HIBADH: variants seen among roughly 807,000 people sequenced by gnomAD.
HIBADH encodes 3-hydroxyisobutyrate dehydrogenase, also known as 3-hydroxyisobutyrate dehydrogenase, mitochondrial.
In HIBADH, 25 loss-of-function variants were observed where a neutral mutation model predicts 36.1. The ratio of observed to expected loss-of-function variants is 0.69; its 90% CI spans 0.50 to 0.97. The LOEUF (loss-of-function observed/expected upper bound fraction) is 0.97. HIBADH is among the 50% of genes least tolerant of loss of function. The pLI is 0.00. For synonymous variants in HIBADH, 160 were observed against 149.5 expected (o/e 1.07, Z -0.51); for missense variants, 421 against 418.0 (o/e 1.01, Z -0.06).
intron 4 of HIBADH, among the ~76,000 whole-genome samples, chr7:27,549,331 C>T (rs997693871): frequency 6.6e-6 from 1 of 152,122 alleles, no homozygotes; most frequent in African/African-American, 2.4e-5. Flanking sequence ...TCGGTTTAGC[C>T]ATTCCACAAT....
chr7:27,608,947 A>T (rs936366089), intron 4 of HIBADH, among the ~76,000 whole-genome samples: 1 of 152,212 alleles, frequency 6.6e-6, no homozygotes, highest in Non-Finnish European at 1.5e-5. Context: ...CCCCTCTACC[A>T]CAGAATAGAG....
chr7:27,625,058 G>C (rs1785617273), intron 4 of HIBADH, among the ~76,000 whole-genome samples: 1 of 152,192 alleles, frequency 6.6e-6, no homozygotes, highest in South Asian at 2.1e-4. Context: ...CCACAGAGCA[G>C]TTAAAATGAA....
In HIBADH at chr7:27,649,577, T is replaced by C. The variant is rs899989371; in HGVS notation, c.148A>G (p.Met50Val). The C allele has an allele frequency of 5.0e-6, 8 of 1,613,894 alleles. No individual in the cohort carries two copies. In the African/African-American group the frequency reaches 5.3e-5, roughly 11 times the overall value. The change falls in exon 2 of 8, where the codon ATG (methionine) becomes GTG (valine). Residue 50 changes from methionine to valine, a missense_variant. Transcript: ENST00000265395. ...TPVGFIGLGN[M>V]GNPMAKNLMK... The stretch of plus-strand genomic sequence containing the variant: ...AGATTTTTTGCCATTGGATTCCCCA[T>C]GTTGCCCAGTCCAATGAATCCAACT...
At chr7:27,600,519 C>T (rs1243295144) in intron 4 of HIBADH, among the ~76,000 whole-genome samples, 3 of 152,112 alleles carry the variant, frequency 2.0e-5, no homozygotes, top group South Asian at 2.1e-4. Flanking sequence ...AGCAATAATC[C>T]TTATTCCCTT....
chr7:27,611,779 C>T (rs745689610), intron 4 of HIBADH, among the ~76,000 whole-genome samples: 42 of 152,152 alleles, frequency 2.8e-4, no homozygotes, highest in Non-Finnish European at 5.0e-4. Flanking sequence ...GAAACAACTG[C>T]TAAGTCTGGT....
At position 27,574,443 on chromosome 7, in the gene HIBADH, C is replaced by T. The variant is rs544195089; in HGVS notation, c.485-31343G>A. ...TATGTGAGGTTGAAAATAATAGGGA[C>T]CTAAATATATTAGAAAATATTTTTT... On this transcript the variant is annotated intron_variant, in intron 4 of 7. Transcript: ENST00000265395. Among the ~76,000 whole-genome samples, 13 of 152,018 alleles carry T rather than the reference C, an allele frequency of 8.6e-5. No homozygotes were observed. The East Asian group carries it at 2.1e-3, about 25-fold the overall frequency.
intron 4 of HIBADH, among the ~76,000 whole-genome samples, chr7:27,551,572 T>C (rs1310020342): frequency 2.6e-5 from 4 of 152,080 alleles, no homozygotes; most frequent in Admixed American, 6.5e-5. Context: ...AGAATTATGA[T>C]AGATAAACCA....
intron 4 of HIBADH, among the ~76,000 whole-genome samples, chr7:27,561,078 T>C (rs1784460449): frequency 6.6e-6 from 1 of 152,222 alleles, no homozygotes; most frequent in Admixed American, 6.5e-5. Flanking sequence ...CATATTTTCA[T>C]GTGCTTATTA....
intron 4 of HIBADH, among the ~76,000 whole-genome samples, chr7:27,568,545 C>T (rs1784581255): frequency 6.6e-6 from 1 of 152,108 alleles, no homozygotes; most frequent in South Asian, 2.1e-4. Context: ...GCAACCTTCG[C>T]CTCCAGGGTT....
At chr7:27,585,644 GT>G (rs1302290294) in intron 4 of HIBADH, among the ~76,000 whole-genome samples, 3 of 152,146 alleles carry the variant, frequency 2.0e-5, no homozygotes, top group Non-Finnish European at 2.9e-5. Flanking sequence ...AAAAGCATTT[GT>G]AAGACGATTC....
At chr7:27,534,188 T>C (rs567740955) in intron 6 of HIBADH, among the ~76,000 whole-genome samples, 1 of 152,256 alleles carries the variant, frequency 6.6e-6, no homozygotes, top group Admixed American at 6.5e-5. Context: ...AATTAAACAT[T>C]TGCCTTCACT....
intron 4 of HIBADH, among the ~76,000 whole-genome samples, chr7:27,558,145 G>T (rs1267673117): frequency 6.6e-6 from 1 of 151,880 alleles, no homozygotes; most frequent in Non-Finnish European, 1.5e-5. Flanking sequence ...TTTTCTTGGT[G>T]AAACTTCTTA....
chr7:27,542,874 A>C (rs1784176154), intron 5 of HIBADH, 93 bp downstream of exon 5: 2 of 1,322,302 alleles, frequency 1.5e-6, no homozygotes, highest in Non-Finnish European at 2.1e-6. Context: ...CCATAGGTTG[A>C]AGAAAGAAGA....
At chr7:27,589,828 C>T (rs1784915226) in intron 4 of HIBADH, among the ~76,000 whole-genome samples, 1 of 152,098 alleles carries the variant, frequency 6.6e-6, no homozygotes, top group African/African-American at 2.4e-5. Context: ...TGAACATACC[C>T]AAGTCATACA....
chr7:27,530,923 C>T (rs1381002915), intron 7 of HIBADH, among the ~76,000 whole-genome samples: 1 of 151,774 alleles, frequency 6.6e-6, no homozygotes, highest in Non-Finnish European at 1.5e-5. Flanking sequence ...TATAAATAAA[C>T]CCAAGTGCGC....
intron 1 of HIBADH, among the ~76,000 whole-genome samples, chr7:27,658,042 A>G (rs1786338450): frequency 1.3e-5 from 2 of 152,180 alleles, no homozygotes; most frequent in South Asian, 4.1e-4. Flanking sequence ...TACAAGAGCC[A>G]AAGAGATAGA....
chr7:27,660,931 T>C (rs1217189104), intron 1 of HIBADH, among the ~76,000 whole-genome samples: 1 of 152,112 alleles, frequency 6.6e-6, no homozygotes, highest in Admixed American at 6.5e-5. Flanking sequence ...CTCTAAAAGG[T>C]ACATCAAGGG....
intron 4 of HIBADH, among the ~76,000 whole-genome samples, chr7:27,615,129 T>C (rs756256700): frequency 6.6e-5 from 10 of 152,040 alleles, no homozygotes; most frequent in East Asian, 3.9e-4. Context: ...GCTAGCAACA[T>C]AGGAGATAGG....
intron 4 of HIBADH, among the ~76,000 whole-genome samples, chr7:27,596,455 T>TA (rs1280347169): frequency 1.3e-5 from 2 of 152,190 alleles, no homozygotes; most frequent in Non-Finnish European, 2.9e-5. Flanking sequence ...TTGGTGGAAG[T>TA]AAAAACTTTG....
Sources: gnomAD v4.1 joint callset for allele counts (sites outside exome capture counted in the v4.1 genomes callset) on GRCh38, gnomAD v4.1.1 for gene constraint, MANE v1.5 for transcripts, NCBI Gene and HGNC (gene_info 2026-07-23, HGNC 2026-07-21) for gene names.